The following LRP1B variants were observed in gnomAD, a reference collection of about 807,000 sequenced individuals.
LRP1B encodes the protein LDL receptor related protein 1B.
Under a neutral mutation model 556.6 loss-of-function variants are expected in LRP1B, and 217 were observed. The observed-to-expected ratio is 0.39, with a 90% CI of 0.35 to 0.44. The LOEUF (loss-of-function observed/expected upper bound fraction) is 0.44, where lower values mean the gene tolerates loss of function less well. Ranked by LOEUF, LRP1B falls within the 20% of genes least tolerant of loss-of-function variation. LRP1B has a pLI of 1.00. For missense variants in LRP1B, 5,053 were observed against 5,620.8 expected (o/e 0.90, Z 3.23); for synonymous variants, 2,047 against 1,865.8 (o/e 1.10, Z -2.50).
At position 140,692,630 on chromosome 2, in the gene LRP1B, C is replaced by T. The variant is rs925132772; in HGVS notation, c.6799+7620G>A. 1.7e-4 allele frequency among the ~76,000 whole-genome samples: 26 copies of T among 151,872 alleles called. 1 individual carries two copies. Among genetic ancestry groups the T allele is most frequent in the African/African-American group, 5.6e-4 (23 of 41,380 alleles). ...GTATGATTATATTTCCTTTTCTGTCCCCTAGCATAACTTGTCCATATTTAT... is the reference window on the plus strand; with the variant it reads ...GTATGATTATATTTCCTTTTCTGTCTCCTAGCATAACTTGTCCATATTTAT... On this transcript the variant is annotated intron_variant, in intron 41 of 90. Coordinates refer to ENST00000389484, the MANE Select transcript of LRP1B (RefSeq NM_018557.3).
At chr2:140,925,047 T>C (rs1411779015) in intron 20 of LRP1B, among the ~76,000 whole-genome samples, 1 of 152,122 alleles carries the variant, frequency 6.6e-6, no homozygotes, top group Non-Finnish European at 1.5e-5. Flanking sequence ...AACTATATCA[T>C]ATTTACATTG....
chr2:141,800,431 C>G (rs1298791648), intron 2 of LRP1B, among the ~76,000 whole-genome samples: 1 of 152,226 alleles, frequency 6.6e-6, no homozygotes, highest in African/African-American at 2.4e-5. Flanking sequence ...GGCCACAAAT[C>G]TCCTATTGCA....
intron 1 of LRP1B, among the ~76,000 whole-genome samples, chr2:141,921,891 G>C (rs1278612036): frequency 2.0e-5 from 3 of 152,052 alleles, no homozygotes; most frequent in African/African-American, 7.2e-5. Context: ...TTTCAGAGTA[G>C]TGAAATATAC....
At chr2:142,025,629 T>A (rs74876623) in intron 1 of LRP1B, among the ~76,000 whole-genome samples, 5,505 of 152,182 alleles carry the variant, frequency 0.036, 230 homozygotes, top group East Asian at 0.17. Context: ...CCAAGATGGG[T>A]CACCCCGGGT....
intron 59 of LRP1B, among the ~76,000 whole-genome samples, chr2:140,481,793 T>G (rs1688258158): frequency 6.6e-6 from 1 of 152,100 alleles, no homozygotes; most frequent in Non-Finnish European, 1.5e-5. Context: ...TCTGACTTGT[T>G]CCTAGCTTTC....
rs560839625 is a variant in LRP1B at position 141,353,390 on chromosome 2, G to C, written c.344-98749C>G. Among the ~76,000 whole-genome samples, 3 of 152,044 alleles carry C rather than the reference G, an allele frequency of 2.0e-5. No homozygotes were observed. In the South Asian group the frequency reaches 6.2e-4, roughly 31 times the overall value. On this transcript the variant is annotated intron_variant, in intron 3 of 90. Transcript: ENST00000389484. The stretch of plus-strand genomic sequence containing the variant: ...GCTTACATAAGACTATAAAATAAGA[G>C]AGAATTAAACTGTTCTATCAAACTC...
intron 32 of LRP1B, among the ~76,000 whole-genome samples, chr2:140,778,785 T>C (rs1689588247): frequency 1.3e-5 from 2 of 152,128 alleles, no homozygotes; most frequent in Non-Finnish European, 2.9e-5. Context: ...CTCTCTATTC[T>C]AATGCCACAT....
At chr2:140,848,424 G>C (rs1404907675) in intron 29 of LRP1B, among the ~76,000 whole-genome samples, 5 of 152,140 alleles carry the variant, frequency 3.3e-5, no homozygotes, top group Admixed American at 3.3e-4. Context: ...GTGCTAACCT[G>C]AGATCAGAAA....
At position 140,982,230 on chromosome 2, in the gene LRP1B, G is replaced by A. The variant is rs1188081313; in HGVS notation, c.2817C>T (p.Cys939=). 1.9e-6 allele frequency: 3 copies of A among 1,613,352 alleles called. No individual in the cohort carries two copies. The highest frequency in any genetic ancestry group is 3.3e-4 in the Middle Eastern group (2 of 6,054). Residue 939 remains cysteine (C), a synonymous_variant, in exon 18 of 91, where the codon TGC becomes TGT. Coordinates refer to ENST00000389484, the MANE Select transcript of LRP1B (RefSeq NM_018557.3). ...VDQFSCGNGR[C]IPRAWLCDRE... ...TGTCACACAGCCATGCTCTGGGAAT[G>A]CAACGCCCATTTCCGCAAGAAAACT...
intron 2 of LRP1B, among the ~76,000 whole-genome samples, chr2:141,536,390 TC>T (rs1314074996): frequency 1.3e-5 from 2 of 152,020 alleles, no homozygotes; most frequent in African/African-American, 4.8e-5. Context: ...CCCTCCTTTC[TC>T]TCTAGAGAAC....
chr2:141,801,108 C>A (rs1277736884), intron 2 of LRP1B, among the ~76,000 whole-genome samples: 1 of 152,014 alleles, frequency 6.6e-6, no homozygotes, highest in East Asian at 1.9e-4. Flanking sequence ...TATTGCCTAA[C>A]CCAATGATCG....
chr2:141,125,387 C>T (rs1261074605), intron 7 of LRP1B, among the ~76,000 whole-genome samples: 1 of 152,126 alleles, frequency 6.6e-6, no homozygotes, highest in Non-Finnish European at 1.5e-5. Context: ...GCAGTGAGCC[C>T]ATGCATGCAC....
chr2:140,582,190 GTAGACTA>G (rs1420036330), intron 43 of LRP1B, among the ~76,000 whole-genome samples: 1 of 152,080 alleles, frequency 6.6e-6, no homozygotes, highest in African/African-American at 2.4e-5. Flanking sequence ...TATGCCTATA[GTAGACTA>G]CAATAATTAT....
chr2:141,479,756 T>C (rs1013006812), intron 3 of LRP1B, among the ~76,000 whole-genome samples: 1 of 152,110 alleles, frequency 6.6e-6, no homozygotes, highest in Admixed American at 6.6e-5. Flanking sequence ...TGTTTCATTC[T>C]CCCCACTCCA....
rs114662102 is a variant in LRP1B at position 141,769,118 on chromosome 2, G to A, written c.205+41161C>T. ...GTGAAGATGAGATTCCAAACCCAGA[G>A]CACCTTATTCTAGTGTCCACATTTT... On this transcript the variant is annotated intron_variant, in intron 2 of 90. Transcript: ENST00000389484. Among the ~76,000 whole-genome samples the A allele has an allele frequency of 2.9e-3, 442 of 152,188 alleles. 2 individuals are homozygous for A. The highest frequency in any genetic ancestry group is 0.01 in the African/African-American group (419 of 41,524).
intron 84 of LRP1B, among the ~76,000 whole-genome samples, chr2:140,291,312 A>ATTTTTT (rs1277678661): frequency 9.5e-5 from 6 of 63,426 alleles, no homozygotes; most frequent in Admixed American, 6.8e-4. Context: ...ATATATATAT[A>ATTTTTT]TATATATTTT....
intron 1 of LRP1B, among the ~76,000 whole-genome samples, chr2:141,972,985 A>G (rs1436527212): frequency 6.6e-6 from 1 of 151,672 alleles, no homozygotes; most frequent in African/African-American, 2.4e-5. Flanking sequence ...AGATTTACCA[A>G]TTTCAAATGT....
At chr2:140,737,149 T>C (rs1036091165) in intron 35 of LRP1B, among the ~76,000 whole-genome samples, 35 of 152,094 alleles carry the variant, frequency 2.3e-4, no homozygotes, top group African/African-American at 7.0e-4. Flanking sequence ...CTAAATGAAT[T>C]TTTAGTTCCA....
intron 31 of LRP1B, among the ~76,000 whole-genome samples, chr2:140,831,867 A>G (rs902853961): frequency 2.0e-5 from 3 of 152,208 alleles, no homozygotes; most frequent in African/African-American, 7.2e-5. Context: ...AGATCTGAGT[A>G]GGCATGTCTC....
Sources: gnomAD v4.1 joint callset for allele counts (sites outside exome capture counted in the v4.1 genomes callset) on GRCh38, gnomAD v4.1.1 for gene constraint, MANE v1.5 for transcripts, NCBI Gene and HGNC (gene_info 2026-07-23, HGNC 2026-07-21) for gene names.